Variants in PCDH19 observed in about 807,000 individuals in gnomAD.
PCDH19 encodes the protein protocadherin 19, also known as protocadherin-19.
In PCDH19, 6 loss-of-function variants were observed where a neutral mutation model predicts 46.2. The observed-to-expected ratio is 0.13, with a 90% CI of 0.07 to 0.26. PCDH19 has a LOEUF of 0.26. PCDH19 is among the 10% of genes least tolerant of loss of function. The probability of loss-of-function intolerance (pLI) is 1.00; values close to 1 mark genes in which losing one functional copy is unlikely to be tolerated. For missense variants in PCDH19, 740 were observed against 972.3 expected, an observed-to-expected ratio of 0.76 and a Z score of 3.18; for synonymous variants, 481 against 415.7, an observed-to-expected ratio of 1.16 and a Z score of -1.91.
rs933016466 is a variant in PCDH19, at chrX:100,408,181, C to T, written c.417G>A (p.Ser139=). The T allele has an allele frequency of 2.5e-6, 3 of 1,212,279 alleles. No individual in the cohort carries two copies. The South Asian group carries it at 5.3e-5, about 21-fold the overall frequency. ...FPAAQIELEI[S]EAASPGTRIP... The stretch of plus-strand genomic sequence containing the variant: ...TGCGCGTGCCAGGGCTGGCTGCCTC[C>T]GAGATCTCCAGCTCGATCTGTGCTG... Residue 139 remains serine, a synonymous_variant, in exon 1 of 6, where the codon TCG becomes TCA. Transcript: ENST00000373034.
At chrX:100,374,902 G>C (rs995981790) in intron 3 of PCDH19, among the ~76,000 whole-genome samples, 2 of 109,710 alleles carry the variant, frequency 1.8e-5, no homozygotes, top group Non-Finnish European at 3.8e-5. Context: ...TCATGCCTTT[G>C]CACTCCAGCC....
chrX:100,342,693 A>G lies in PCDH19; in HGVS notation c.2676-618T>C, dbSNP rs1326858806. On this transcript the variant is annotated intron_variant, in intron 4 of 5. Coordinates refer to ENST00000373034, the MANE Select transcript of PCDH19 (RefSeq NM_001184880.2). ...CACTATGTACACTGATTCTTAAAAG[A>G]TGTCTACTAACCAACTGTAAAAAGC... is the stretch of plus-strand genomic sequence containing the variant. Among the ~76,000 whole-genome samples, 7 of 112,495 alleles carry G rather than the reference A, an allele frequency of 6.2e-5. No homozygotes were observed. The Admixed American group carries it at 6.6e-4, about 11-fold the overall frequency.
At chrX:100,316,543 G>T (rs763118058) in intron 5 of PCDH19, among the ~76,000 whole-genome samples, 1 of 111,847 alleles carries the variant, frequency 8.9e-6, no homozygotes. Context: ...TCAGGAATAC[G>T]TATGCCCATG....
intron 3 of PCDH19, among the ~76,000 whole-genome samples, chrX:100,370,399 G>A (rs1927184600): frequency 8.9e-6 from 1 of 112,171 alleles, no homozygotes; most frequent in African/African-American, 3.2e-5. Flanking sequence ...GTATTCTAAA[G>A]CTGTCTATTT....
chrX:100,315,792 C>T (rs757284087), intron 5 of PCDH19, among the ~76,000 whole-genome samples: 15 of 112,250 alleles, frequency 1.3e-4, no homozygotes, highest in African/African-American at 4.8e-4. Context: ...GACAAGCATC[C>T]ACGAGCTAAG....
At chrX:100,366,078 T>G (rs1227863612) in intron 3 of PCDH19, among the ~76,000 whole-genome samples, 1 of 112,077 alleles carries the variant, frequency 8.9e-6, no homozygotes, top group East Asian at 2.8e-4. Context: ...GGAAATAGAC[T>G]GCCTTTAGCT....
intron 5 of PCDH19, among the ~76,000 whole-genome samples, chrX:100,333,757 G>A (rs1219092035): frequency 1.0e-5 from 1 of 99,778 alleles, no homozygotes; most frequent in Non-Finnish European, 2.1e-5. Flanking sequence ...TGTTGTTTTT[G>A]TTTTCGTTTT....
At chrX:100,374,371 T>C (rs1220078231) in intron 3 of PCDH19, among the ~76,000 whole-genome samples, 2 of 112,220 alleles carry the variant, frequency 1.8e-5, no homozygotes, top group African/African-American at 3.2e-5. Context: ...TTATGAATGA[T>C]GCATTTTGCA....
intron 2 of PCDH19, 134 bp downstream of exon 2, chrX:100,403,390 C>T: frequency 1.7e-6 from 1 of 594,671 alleles, no homozygotes; most frequent in South Asian, 2.7e-5. Flanking sequence ...AGATCAGACC[C>T]CATTCTTTCG....
chrX:100,356,270 G>A (rs1224366999), intron 3 of PCDH19, among the ~76,000 whole-genome samples: 1 of 111,601 alleles, frequency 9.0e-6, no homozygotes, highest in East Asian at 2.8e-4. Flanking sequence ...ATCAAAACAG[G>A]AAAACTGGAA....
chrX:100,348,061 G>C (rs775476181), intron 4 of PCDH19, among the ~76,000 whole-genome samples: 1 of 58,476 alleles, frequency 1.7e-5, no homozygotes, highest in East Asian at 8.3e-4. Flanking sequence ...GCAAGATTCC[G>C]TCTCAAAAAA....
At chrX:100,365,961 AAT>A (rs1927061355) in intron 3 of PCDH19, among the ~76,000 whole-genome samples, 1 of 111,861 alleles carries the variant, frequency 8.9e-6, no homozygotes, top group Non-Finnish European at 1.9e-5. Flanking sequence ...AAAAAGTGAA[AAT>A]TAGTGTAAAT....
chrX:100,313,239 C>T (rs1602577727), intron 5 of PCDH19, among the ~76,000 whole-genome samples: 1 of 111,252 alleles, frequency 9.0e-6, no homozygotes, highest in African/African-American at 3.3e-5. Context: ...GTTAAAATGC[C>T]AGTTCTTCAT....
chrX:100,363,489 T>C (rs1228441282), intron 3 of PCDH19, among the ~76,000 whole-genome samples: 3 of 106,919 alleles, frequency 2.8e-5, no homozygotes, highest in Non-Finnish European at 5.7e-5. Flanking sequence ...TAAACTCCCA[T>C]TGAATATTGT....
At chrX:100,354,298 T>C (rs1425019234) in intron 3 of PCDH19, among the ~76,000 whole-genome samples, 1 of 111,843 alleles carries the variant, frequency 8.9e-6, no homozygotes, top group Non-Finnish European at 1.9e-5. Flanking sequence ...TCTTAATGAA[T>C]AGTTTGTATG....
At chrX:100,310,285 G>A (rs1008522737) in intron 5 of PCDH19, among the ~76,000 whole-genome samples, 3 of 110,922 alleles carry the variant, frequency 2.7e-5, no homozygotes, top group East Asian at 2.8e-4. Flanking sequence ...ACTGGGGCTC[G>A]ATTCAATTCA....
At chrX:100,371,020 TGTGTGG>T (rs1161353590) in intron 3 of PCDH19, among the ~76,000 whole-genome samples, 22 of 107,335 alleles carry the variant, frequency 2.0e-4, no homozygotes, top group African/African-American at 4.4e-4. Context: ...TGTGTGTGTG[TGTGTGG>T]GTGTGTGTGT....
At chrX:100,348,065 C>CAAAA (rs1177957771) in intron 4 of PCDH19, among the ~76,000 whole-genome samples, 150 of 39,447 alleles carry the variant, frequency 3.8e-3, no homozygotes, top group Non-Finnish European at 4.9e-3. Context: ...GATTCCGTCT[C>CAAAA]AAAAAAAAAA....
At chrX:100,393,917 G>A (rs1218051705) in intron 3 of PCDH19, among the ~76,000 whole-genome samples, 2 of 112,436 alleles carry the variant, frequency 1.8e-5, no homozygotes, top group Admixed American at 9.4e-5. Context: ...TGTAATCCCA[G>A]CACTTTGGGA....
Sources: allele counts gnomAD v4.1 joint callset (sites outside exome capture counted in the v4.1 genomes callset), GRCh38; gene constraint gnomAD v4.1.1; transcripts MANE v1.5; gene names NCBI Gene and HGNC (gene_info 2026-07-23, HGNC 2026-07-21).